The following GRIN2A variants were observed in gnomAD, a reference collection of about 807,000 sequenced individuals.
The protein encoded by GRIN2A is glutamate receptor ionotropic, NMDA 2A.
GRIN2A carries 22 observed loss-of-function variants against 113.4 expected under a neutral mutation model. The ratio of observed to expected loss-of-function variants is 0.19; its 90% CI spans 0.14 to 0.28. The LOEUF is 0.28. GRIN2A is among the 10% of genes least tolerant of loss of function. GRIN2A has a pLI of 1.00. For missense variants in GRIN2A, 1,502 were observed against 1,887.0 expected, an observed-to-expected ratio of 0.80 and a Z score of 3.78; for synonymous variants, 827 against 738.4, an observed-to-expected ratio of 1.12 and a Z score of -1.94.
intron 2 of GRIN2A, among the ~76,000 whole-genome samples, chr16:10,115,563 C>T (rs1456937092): frequency 1.3e-5 from 2 of 152,202 alleles, no homozygotes; most frequent in Admixed American, 6.5e-5. Context: ...TGCTGGGACA[C>T]CCACTCTACT....
intron 2 of GRIN2A, among the ~76,000 whole-genome samples, chr16:9,954,344 G>A (rs1042588254): frequency 6.6e-6 from 1 of 152,146 alleles, no homozygotes; most frequent in Non-Finnish European, 1.5e-5. Flanking sequence ...TGTGCACATG[G>A]TCGGCAGATT....
intron 2 of GRIN2A, among the ~76,000 whole-genome samples, chr16:10,079,992 G>A (rs961463173): frequency 2.6e-5 from 4 of 152,180 alleles, no homozygotes; most frequent in African/African-American, 9.7e-5. Context: ...TGCTCTCAGC[G>A]AGCAAATAAG....
chr16:10,067,617 A>G (rs1332626075), intron 2 of GRIN2A, among the ~76,000 whole-genome samples: 1 of 152,146 alleles, frequency 6.6e-6, no homozygotes, highest in Non-Finnish European at 1.5e-5. Context: ...GGTGAGAAAG[A>G]GTCCAGGAGA....
At chr16:9,777,879 C>T (rs971351021) in intron 11 of GRIN2A, among the ~76,000 whole-genome samples, 50 of 152,206 alleles carry the variant, frequency 3.3e-4, no homozygotes, top group African/African-American at 1.1e-3. Context: ...GCCTGGCCAA[C>T]ATGGTGAAAC....
At chr16:9,883,408 G>A (rs2043522753) in intron 4 of GRIN2A, among the ~76,000 whole-genome samples, 1 of 152,180 alleles carries the variant, frequency 6.6e-6, no homozygotes, top group South Asian at 2.1e-4. Flanking sequence ...AGCAAACAAT[G>A]CCAAAGCAAG....
intron 2 of GRIN2A, among the ~76,000 whole-genome samples, chr16:10,007,991 T>G (rs1370752157): frequency 6.6e-6 from 1 of 152,216 alleles, no homozygotes; most frequent in Non-Finnish European, 1.5e-5. Flanking sequence ...CAAGTAGTAT[T>G]CTTTTTTTCA....
chr16:10,032,991 C>A (rs2046957976), intron 2 of GRIN2A, among the ~76,000 whole-genome samples: 1 of 152,178 alleles, frequency 6.6e-6, no homozygotes. Flanking sequence ...TGCTTTTAAG[C>A]ACACCAGGCT....
At chr16:9,914,933 T>G (rs1447260951) in intron 3 of GRIN2A, among the ~76,000 whole-genome samples, 1 of 92,972 alleles carries the variant, frequency 1.1e-5, no homozygotes, top group African/African-American at 4.5e-5. Context: ...TTTTTTTTTT[T>G]TTTTTTTTTT....
At chr16:10,137,980 G>C (rs1375335434) in intron 2 of GRIN2A, among the ~76,000 whole-genome samples, 2 of 152,176 alleles carry the variant, frequency 1.3e-5, no homozygotes, top group Non-Finnish European at 2.9e-5. Flanking sequence ...AAAGAACCTT[G>C]GGCTTATAGC....
At chr16:10,041,034 C>G (rs1303869586) in intron 2 of GRIN2A, among the ~76,000 whole-genome samples, 1 of 152,260 alleles carries the variant, frequency 6.6e-6, no homozygotes, top group Non-Finnish European at 1.5e-5. Flanking sequence ...AAGGCACCCC[C>G]TCACCTCCAA....
At chr16:9,780,082 T>A (rs8060992) in intron 11 of GRIN2A, among the ~76,000 whole-genome samples, 70,885 of 152,124 alleles carry the variant, frequency 0.47, 17,749 homozygotes, top group African/African-American at 0.65. Context: ...CCTAGAGTTC[T>A]GTTGCACAAG....
At chr16:9,820,488 A>G (rs932621891) in intron 10 of GRIN2A, among the ~76,000 whole-genome samples, 4 of 152,224 alleles carry the variant, frequency 2.6e-5, no homozygotes, top group African/African-American at 4.8e-5. Context: ...CAAAAGAAGC[A>G]TTATTCATAA....
intron 10 of GRIN2A, among the ~76,000 whole-genome samples, chr16:9,801,595 T>C (rs1903365290): frequency 6.6e-6 from 1 of 152,244 alleles, no homozygotes; most frequent in African/African-American, 2.4e-5. Context: ...ACAGGTCTTT[T>C]TGAGCTGAGC....
chr16:9,997,550 T>A (rs2046247754), intron 2 of GRIN2A, among the ~76,000 whole-genome samples: 1 of 152,204 alleles, frequency 6.6e-6, no homozygotes, highest in African/African-American at 2.4e-5. Flanking sequence ...TTGACTGCCA[T>A]CCCTAATCTC....
At chr16:9,888,921 A>G (rs1365067279) in intron 4 of GRIN2A, among the ~76,000 whole-genome samples, 1 of 152,080 alleles carries the variant, frequency 6.6e-6, no homozygotes, top group East Asian at 1.9e-4. Context: ...TAAATGTTAA[A>G]CTAATCTTGC....
At chr16:10,125,324 G>A (rs1377762383) in intron 2 of GRIN2A, among the ~76,000 whole-genome samples, 1 of 152,078 alleles carries the variant, frequency 6.6e-6, no homozygotes, top group Admixed American at 6.6e-5. Context: ...GAAGAAGCAG[G>A]GGCAGCAAAG....
intron 2 of GRIN2A, among the ~76,000 whole-genome samples, chr16:10,099,658 G>T (rs753370494): frequency 2.6e-5 from 4 of 152,170 alleles, no homozygotes; most frequent in Non-Finnish European, 4.4e-5. Context: ...TGATTTGCTG[G>T]CTTGTTTACT....
intron 2 of GRIN2A, among the ~76,000 whole-genome samples, chr16:10,129,470 T>G (rs2049018380): frequency 6.6e-6 from 1 of 152,150 alleles, no homozygotes; most frequent in South Asian, 2.1e-4. Flanking sequence ...GAGTGGAGGC[T>G]ACTTGAACTT....
intron 11 of GRIN2A, among the ~76,000 whole-genome samples, chr16:9,792,547 T>C (rs1245649843): frequency 6.6e-6 from 1 of 152,184 alleles, no homozygotes; most frequent in Non-Finnish European, 1.5e-5. Context: ...ATGCGAGAGA[T>C]ATGTGTACCA....
Sources: gnomAD v4.1 joint callset for allele counts (sites outside exome capture counted in the v4.1 genomes callset) on GRCh38, gnomAD v4.1.1 for gene constraint, MANE v1.5 for transcripts, NCBI Gene and HGNC (gene_info 2026-07-23, HGNC 2026-07-21) for gene names.